DLGAP2: variants seen among roughly 807,000 people sequenced by gnomAD.
DLGAP2 encodes disks large-associated protein 2.
Under a neutral mutation model 100.3 loss-of-function variants are expected in DLGAP2, and 26 were observed. The ratio of observed to expected loss-of-function variants is 0.26; its 90% CI spans 0.19 to 0.36. The LOEUF (loss-of-function observed/expected upper bound fraction) is 0.36. Ranked by LOEUF, DLGAP2 falls within the 10% of genes least tolerant of loss-of-function variation. The probability of loss-of-function intolerance (pLI) is 1.00; values close to 1 mark genes in which losing one functional copy is unlikely to be tolerated. For missense variants in DLGAP2, 1,858 were observed against 1,453.2 expected (o/e 1.28, Z -4.53); for synonymous variants, 886 against 630.1 (o/e 1.41, Z -6.08).
chr8:1,181,930 G>A (rs1028871784), intron 2 of DLGAP2, among the ~76,000 whole-genome samples: 2 of 152,170 alleles, frequency 1.3e-5, no homozygotes, highest in African/African-American at 2.4e-5. Context: ...TCTGTGAACC[G>A]TTGATAGACA....
At chr8:878,610 G>GTCCCCAGT (rs2128992882) in intron 1 of DLGAP2, among the ~76,000 whole-genome samples, 1 of 152,266 alleles carries the variant, frequency 6.6e-6, no homozygotes, top group African/African-American at 2.4e-5. Context: ...CTGAGGCTTG[G>GTCCCCAGT]TCCCCAGTGT....
At chr8:895,111 G>A (rs1220700398) in intron 1 of DLGAP2, among the ~76,000 whole-genome samples, 3 of 151,716 alleles carry the variant, frequency 2.0e-5, no homozygotes, top group Admixed American at 6.6e-5. Flanking sequence ...TATAGTGACT[G>A]CAGTTAATAA....
At chr8:1,246,361 C>G (rs118035948) in intron 2 of DLGAP2, among the ~76,000 whole-genome samples, 1 of 152,216 alleles carries the variant, frequency 6.6e-6, no homozygotes, top group East Asian at 1.9e-4. Context: ...TTTGGAGGCA[C>G]TAACCGCTTT....
At chr8:795,146 G>A (rs1177145904) in intron 1 of DLGAP2, among the ~76,000 whole-genome samples, 3 of 152,188 alleles carry the variant, frequency 2.0e-5, no homozygotes, top group Non-Finnish European at 4.4e-5. Flanking sequence ...CAGCAGTTAC[G>A]TTCTGTGAAG....
At chr8:1,081,242 A>T (rs1411046911) in intron 2 of DLGAP2, among the ~76,000 whole-genome samples, 1 of 152,240 alleles carries the variant, frequency 6.6e-6, no homozygotes, top group Non-Finnish European at 1.5e-5. Flanking sequence ...ATCTATAGGA[A>T]CTACTTACAG....
rs542394615 is a variant in DLGAP2, at chr8:1,080,083, G to A, written c.73+172117G>A. 4.8e-4 allele frequency among the ~76,000 whole-genome samples: 73 copies of A among 152,326 alleles called. 1 individual carries two copies. The highest frequency in any genetic ancestry group is 1.6e-3 in the African/African-American group (68 of 41,580). The stretch of plus-strand genomic sequence containing the variant: ...AGCGTATGATGGGGGGCCTGGCACG[G>A]GCCTGCTTCCCCAGCCTCCCAGCCA... On this transcript the variant is annotated intron_variant, in intron 2 of 14. Coordinates refer to ENST00000637795, the MANE Select transcript of DLGAP2 (RefSeq NM_001346810.2).
At chr8:837,896 T>G (rs1331003939) in intron 1 of DLGAP2, among the ~76,000 whole-genome samples, 1 of 148,342 alleles carries the variant, frequency 6.7e-6, no homozygotes, top group Non-Finnish European at 1.5e-5. Context: ...GTTTTTTGTT[T>G]TTTTTTTTTT....
chr8:1,055,949 T>C (rs1288888790), intron 2 of DLGAP2, among the ~76,000 whole-genome samples: 1 of 152,190 alleles, frequency 6.6e-6, no homozygotes, highest in Non-Finnish European at 1.5e-5. Flanking sequence ...AAGAGTGGGT[T>C]GGATTGTGGT....
chr8:881,393 C>T (rs1312874943), intron 1 of DLGAP2, among the ~76,000 whole-genome samples: 4 of 151,708 alleles, frequency 2.6e-5, no homozygotes, highest in African/African-American at 9.7e-5. Flanking sequence ...TCAGATTGTT[C>T]TGTTTTGGAA....
intron 2 of DLGAP2, among the ~76,000 whole-genome samples, chr8:1,030,179 G>C (rs1318317530): frequency 6.6e-6 from 1 of 152,210 alleles, no homozygotes; most frequent in Non-Finnish European, 1.5e-5. Flanking sequence ...GGGAGATCCA[G>C]CTCTTGCTAA....
At chr8:1,351,516 G>A (rs1194007828) in intron 3 of DLGAP2, among the ~76,000 whole-genome samples, 1 of 63,634 alleles carries the variant, frequency 1.6e-5, no homozygotes. Flanking sequence ...GGTCCTGACT[G>A]TGTGTGGAAA....
At chr8:1,082,096 G>GTAA (rs1429633857) in intron 2 of DLGAP2, among the ~76,000 whole-genome samples, 1 of 152,158 alleles carries the variant, frequency 6.6e-6, no homozygotes, top group African/African-American at 2.4e-5. Context: ...TGCCCTACAT[G>GTAA]TAATATCTTC....
intron 2 of DLGAP2, among the ~76,000 whole-genome samples, chr8:1,243,270 G>A (rs1798836983): frequency 6.6e-6 from 1 of 152,190 alleles, no homozygotes; most frequent in South Asian, 2.1e-4. Flanking sequence ...TCAAGGGAAG[G>A]GGCTGGTGCC....
intron 1 of DLGAP2, among the ~76,000 whole-genome samples, chr8:852,374 C>A (rs530682766): frequency 6.6e-6 from 1 of 152,154 alleles, no homozygotes; most frequent in Non-Finnish European, 1.5e-5. Context: ...GCTTTTCACA[C>A]GTGATCTTCA....
At chr8:1,604,715 T>A (rs1200902830) in intron 6 of DLGAP2, 3 of 152,170 alleles carry the variant, frequency 2.0e-5, no homozygotes, top group Admixed American at 6.5e-5. Context: ...AACCATCCAA[T>A]GAATGTCTTC....
intron 6 of DLGAP2, among the ~76,000 whole-genome samples, chr8:1,569,203 A>G (rs890141708): frequency 6.6e-6 from 1 of 152,174 alleles, no homozygotes; most frequent in South Asian, 2.1e-4. Context: ...CCCCCATGCC[A>G]TTGTCCACTT....
chr8:1,176,558 G>A (rs17065727), intron 2 of DLGAP2, among the ~76,000 whole-genome samples: 25,952 of 151,718 alleles, frequency 0.17, 2,286 homozygotes, highest in East Asian at 0.23. Flanking sequence ...GTTTATTGAC[G>A]TTGTTCATGC....
intron 2 of DLGAP2, among the ~76,000 whole-genome samples, chr8:1,153,785 G>A (rs943725019): frequency 7.2e-5 from 11 of 152,052 alleles, no homozygotes; most frequent in Non-Finnish European, 1.2e-4. Context: ...GAAACACAGC[G>A]TAATGTTTTG....
chr8:763,926 T>A (rs1821148168), intron 1 of DLGAP2, among the ~76,000 whole-genome samples: 1 of 152,210 alleles, frequency 6.6e-6, no homozygotes, highest in Admixed American at 6.5e-5. Flanking sequence ...CCTCATAAAG[T>A]GAAACCAATT....
Sources: gnomAD v4.1 joint callset for allele counts (sites outside exome capture counted in the v4.1 genomes callset) on GRCh38, gnomAD v4.1.1 for gene constraint, MANE v1.5 for transcripts, NCBI Gene and HGNC (gene_info 2026-07-23, HGNC 2026-07-21) for gene names.